The following SAMMSON variants were observed in gnomAD, a reference collection of about 807,000 sequenced individuals.
SAMMSON encodes survival associated mitochondrial melanoma specific oncogenic non-coding RNA.
intron 6 of SAMMSON, among the ~76,000 whole-genome samples, chr3:70,286,095 G>T (rs1223180216): frequency 6.6e-6 from 1 of 152,184 alleles, no homozygotes; most frequent in African/African-American, 2.4e-5. Context: ...GTGTTTTGCT[G>T]CCATTGCTTT....
chr3:70,204,526 G>C (rs955578148), intron 4 of SAMMSON: 10 of 152,158 alleles, frequency 6.6e-5, no homozygotes, highest in Admixed American at 6.5e-5. Context: ...TTTCACACGG[G>C]AGGAAAAGGA....
intron 4 of SAMMSON, among the ~76,000 whole-genome samples, chr3:70,227,427 C>CA (rs1701518213): frequency 6.6e-6 from 1 of 152,084 alleles, no homozygotes; most frequent in Non-Finnish European, 1.5e-5. Flanking sequence ...GCAAAGAAGG[C>CA]AAGTATACTT....
chr3:70,012,977 A>G (rs528142604), intron 2 of SAMMSON, among the ~76,000 whole-genome samples: 47 of 152,282 alleles, frequency 3.1e-4, no homozygotes, highest in African/African-American at 1.1e-3. Context: ...ATAATCTACT[A>G]TCCAGTTTGT....
intron 4 of SAMMSON, among the ~76,000 whole-genome samples, chr3:70,214,987 A>G (rs1272411543): frequency 6.6e-6 from 1 of 152,152 alleles, no homozygotes; most frequent in Non-Finnish European, 1.5e-5. Flanking sequence ...AAACTCATGC[A>G]TGATTGGTAT....
intron 4 of SAMMSON, among the ~76,000 whole-genome samples, chr3:70,128,094 C>G (rs7644238): frequency 0.56 from 84,733 of 152,018 alleles, 24,910 homozygotes; most frequent in East Asian, 0.95. Context: ...AAAGGAAATA[C>G]TGTAAAGTGA....
At chr3:70,348,576 C>T (rs1460509998) in intron 7 of SAMMSON, among the ~76,000 whole-genome samples, 1 of 152,158 alleles carries the variant, frequency 6.6e-6, no homozygotes, top group Non-Finnish European at 1.5e-5. Flanking sequence ...CTCCCAAAGG[C>T]TCACTCTCCA....
At chr3:70,010,149 T>G (rs1366284487) in intron 1 of SAMMSON, among the ~76,000 whole-genome samples, 2 of 152,118 alleles carry the variant, frequency 1.3e-5, no homozygotes, top group Non-Finnish European at 2.9e-5. Flanking sequence ...TAGATGTCTA[T>G]TAGGTCTGCT....
At chr3:70,361,672 T>C (rs1702871716) in intron 9 of SAMMSON, among the ~76,000 whole-genome samples, 1 of 152,212 alleles carries the variant, frequency 6.6e-6, no homozygotes, top group African/African-American at 2.4e-5. Flanking sequence ...AAGTTGTGCA[T>C]ACTCTGTGGA....
chr3:70,114,414 A>G (rs1248587733), intron 4 of SAMMSON, among the ~76,000 whole-genome samples: 1 of 152,240 alleles, frequency 6.6e-6, no homozygotes, highest in African/African-American at 2.4e-5. Context: ...AGAGTAAAAT[A>G]TAAATCAACA....
At chr3:70,152,555 A>G (rs1483799689) in intron 4 of SAMMSON, among the ~76,000 whole-genome samples, 1 of 152,012 alleles carries the variant, frequency 6.6e-6, no homozygotes, top group Non-Finnish European at 1.5e-5. Context: ...GCAGACCCCA[A>G]GGTGCTTTAT....
At chr3:70,302,335 C>T (rs1315505219) in intron 7 of SAMMSON, among the ~76,000 whole-genome samples, 2 of 151,962 alleles carry the variant, frequency 1.3e-5, no homozygotes, top group African/African-American at 4.8e-5. Context: ...CCTCTAAATG[C>T]AGTTCCTAAG....
intron 6 of SAMMSON, among the ~76,000 whole-genome samples, chr3:70,261,211 C>T (rs759854870): frequency 6.6e-6 from 1 of 152,198 alleles, no homozygotes; most frequent in Non-Finnish European, 1.5e-5. Context: ...GTGGTCAAAG[C>T]TTTGAATCAT....
At chr3:70,006,669 A>T (rs9815287) in intron 1 of SAMMSON, among the ~76,000 whole-genome samples, 84,480 of 151,716 alleles carry the variant, frequency 0.56, 25,314 homozygotes, top group African/African-American at 0.77. Flanking sequence ...CCTTTTTTTT[A>T]AATTATACTT....
intron 6 of SAMMSON, among the ~76,000 whole-genome samples, chr3:70,281,873 T>C (rs141175114): frequency 1.3e-5 from 2 of 152,332 alleles, no homozygotes; most frequent in African/African-American, 2.4e-5. Flanking sequence ...TAGTTCATCA[T>C]ACCTTGGGTG....
At chr3:70,085,207 A>G (rs2067280964) in intron 4 of SAMMSON, among the ~76,000 whole-genome samples, 1 of 152,158 alleles carries the variant, frequency 6.6e-6, no homozygotes, top group Non-Finnish European at 1.5e-5. Context: ...GTTTTTACCA[A>G]GCTTCCCAAT....
chr3:70,419,365 C>T (rs73105763), intron 2 of SAMMSON, among the ~76,000 whole-genome samples: 1 of 151,968 alleles, frequency 6.6e-6, no homozygotes, highest in Admixed American at 6.6e-5. Flanking sequence ...TATTTAATTT[C>T]TCCATTAAGT....
At chr3:70,412,547 T>C (rs1388471700) in intron 2 of SAMMSON, among the ~76,000 whole-genome samples, 1 of 152,132 alleles carries the variant, frequency 6.6e-6, no homozygotes, top group Non-Finnish European at 1.5e-5. Context: ...TTGCTAAAAG[T>C]TGAAGTATAA....
At chr3:70,208,766 T>G (rs1462192524) in intron 4 of SAMMSON, among the ~76,000 whole-genome samples, 1 of 152,086 alleles carries the variant, frequency 6.6e-6, no homozygotes. Flanking sequence ...ACTATCAGTC[T>G]GGTAATACAC....
chr3:70,323,843 C>T (rs796429480), intron 7 of SAMMSON, among the ~76,000 whole-genome samples: 9 of 152,112 alleles, frequency 5.9e-5, no homozygotes, highest in Non-Finnish European at 1.2e-4. Context: ...CTCTTGAGCT[C>T]ACCTGGAGAT....
Sources: gnomAD v4.1 joint callset for allele counts (sites outside exome capture counted in the v4.1 genomes callset) on GRCh38, gnomAD v4.1.1 for gene constraint, MANE v1.5 for transcripts, NCBI Gene and HGNC (gene_info 2026-07-23, HGNC 2026-07-21) for gene names.